The following AP1M1 variants were observed in gnomAD, a reference collection of about 807,000 sequenced individuals.
The protein encoded by AP1M1 is AP-1 complex subunit mu-1.
A neutral mutation model predicts 57.1 loss-of-function variants in AP1M1; 18 were observed. The ratio of observed to expected loss-of-function variants is 0.32; its 90% CI spans 0.22 to 0.47. The LOEUF (loss-of-function observed/expected upper bound fraction) is 0.47, where lower values mean the gene tolerates loss of function less well. Ranked by LOEUF, AP1M1 falls within the 20% of genes least tolerant of loss-of-function variation. The probability of loss-of-function intolerance (pLI) is 1.00; values close to 1 mark genes in which losing one functional copy is unlikely to be tolerated. For synonymous variants in AP1M1, 241 were observed against 237.9 expected, an observed-to-expected ratio of 1.01 and a Z score of -0.12; for missense variants, 362 against 593.5, an observed-to-expected ratio of 0.61 and a Z score of 4.05.
Position 16,207,321 on chromosome 19 carries a change from G to T in AP1M1, c.268-698G>T, listed in dbSNP as rs1007314445. 6.6e-6 allele frequency among the ~76,000 whole-genome samples: 1 copy of T among 151,992 alleles called. No homozygotes were observed. The highest frequency in any genetic ancestry group is 1.5e-5 in the Non-Finnish European group (1 of 67,984). On this transcript the variant is annotated intron_variant, in intron 3 of 11. Transcript: ENST00000291439. This position sits in a 1 kb window ranked among gnomAD's most constrained non-coding sequence, Gnocchi z 4.2. ...CGAGGGTCACCTGGGAAGGCCCCAC[G>T]TGCAGGCCAAGGGCTGCCTTCACTG...
Position 16,203,358 on chromosome 19 carries a change from C to A in AP1M1, c.43-101C>A. On this transcript the variant is annotated intron_variant, in intron 1 of 11. Transcript: ENST00000291439. The surrounding 1 kb of genome is among the most constrained non-coding windows in gnomAD (Gnocchi z 4.6). Reference sequence around the variant, plus strand: ...TGCGGATAGTGGCCATGACCGGAGTCCCCAGAGCGAAGCAGGGTGGTGCAT... The same window carrying A: ...TGCGGATAGTGGCCATGACCGGAGTACCCAGAGCGAAGCAGGGTGGTGCAT... The A allele has an allele frequency of 8.0e-7, 1 of 1,248,470 alleles. No individual in the cohort carries two copies. Among genetic ancestry groups the A allele is most frequent in the Non-Finnish European group, 1.2e-6 (1 of 866,110 alleles). The allele number at this position is 1,248,470 out of a possible 1,614,324, so 77.3% of individuals were successfully genotyped here.
At position 16,228,655 on chromosome 19, in the gene AP1M1, CAGGGGCGGGGCT is replaced by C. The variant is rs2091581610; in HGVS notation, c.889-110_889-99del. The C allele has an allele frequency of 8.4e-7, 1 of 1,190,990 alleles. No homozygotes were observed. The highest frequency in any genetic ancestry group is 1.2e-6 in the Non-Finnish European group (1 of 841,792). The allele number at this position is 1,190,990 out of a possible 1,614,324, so 73.8% of individuals were successfully genotyped here. A position where few individuals can be genotyped will look rare whatever the true frequency, so the allele number is the denominator to read the frequency against. On this transcript the variant is annotated intron_variant, in intron 8 of 11. Transcript: ENST00000291439. This position sits in a 1 kb window ranked among gnomAD's most constrained non-coding sequence, Gnocchi z 5.0. ...TGGGTAGTGCCTGGAGAAGTGGGGC[CAGGGGCGGGGCT>C]AGGGAGGATCCCCCGGGCCAGGCTG... is the stretch of plus-strand genomic sequence containing the variant.
chr19:16,227,769 C>A lies in AP1M1; in HGVS notation c.816+79C>A. The A allele has an allele frequency of 1.3e-6, 2 of 1,528,790 alleles. No homozygotes were observed. The highest frequency in any genetic ancestry group is 1.8e-6 in the Non-Finnish European group (2 of 1,121,472). The allele number at this position is 1,528,790 out of a possible 1,614,324, so 94.7% of individuals were successfully genotyped here. On this transcript the variant is annotated intron_variant, in intron 7 of 11. Coordinates refer to ENST00000291439, the MANE Select transcript of AP1M1 (RefSeq NM_032493.4). The surrounding 1 kb of genome is among the most constrained non-coding windows in gnomAD (Gnocchi z 6.2). ...CTCCAGGAGGTGAAGCCCAGGCAGGCGCCAGGGCCAGCCCCACCCCACGCT... is the reference window on the plus strand; with the variant it reads ...CTCCAGGAGGTGAAGCCCAGGCAGGAGCCAGGGCCAGCCCCACCCCACGCT...
rs753840973 is a variant in AP1M1 at position 16,206,368 on chromosome 19, G to A, written c.227G>A (p.Cys76Tyr). 4 of 1,614,144 alleles carry A rather than the reference G, an allele frequency of 2.5e-6. No homozygotes were observed. The Admixed American group carries it at 6.7e-5, about 27-fold the overall frequency. The change falls in exon 3 of 12, where the codon TGC becomes TAC. Residue 76 changes from cysteine to tyrosine, a missense_variant. By Grantham distance (194) the Cys-to-Tyr change is radical. This residue lies in a region of AP1M1 where 337 missense variants were observed against 511.1 expected (regional missense o/e 0.66). Coordinates refer to ENST00000291439, the MANE Select transcript of AP1M1 (RefSeq NM_032493.4). The surrounding 1 kb of genome is among the most constrained non-coding windows in gnomAD (Gnocchi z 4.3). ...YLVATSKKNA[C>Y]VSLVFSFLYK... ...GTTGCCACATCCAAGAAGAACGCGT[G>A]CGTGTCGCTGGTCTTTTCTTTCCTC...
rs373876356 is a variant in AP1M1 at position 16,210,908 on chromosome 19, T to G, written c.546+1731T>G. Among the ~76,000 whole-genome samples the G allele has an allele frequency of 1.1e-4, 16 of 152,296 alleles. No homozygotes were observed. The East Asian group carries it at 2.9e-3, about 28-fold the overall frequency. On this transcript the variant is annotated intron_variant, in intron 5 of 11. Coordinates refer to ENST00000291439, the MANE Select transcript of AP1M1 (RefSeq NM_032493.4). ...TAATGTTGAGCATTGCTTTACATGT[T>G]TCTTTGTCATCTGTATATCCTCTTT...
chr19:16,211,363 G>A (rs2091492712), intron 5 of AP1M1, among the ~76,000 whole-genome samples: 1 of 152,058 alleles, frequency 6.6e-6, no homozygotes, highest in Non-Finnish European at 1.5e-5. Flanking sequence ...CTAAGTGTTG[G>A]GATTACAGGC....
chr19:16,206,638 G>A lies in AP1M1; in HGVS notation c.267+230G>A. The A allele has an allele frequency of 1.7e-6, 1 of 574,588 alleles. No individual in the cohort carries two copies. The highest frequency in any genetic ancestry group is 3.1e-6 in the Non-Finnish European group (1 of 318,682). 35.6% of individuals were successfully genotyped at this position (574,588 alleles called of 1,614,324 possible). ...AAGAAAGGAAAGTGAACAGGAAAAG[G>A]TAGGGCTCAGAGCAGGGGTGCCCTG... On this transcript the variant is annotated intron_variant, in intron 3 of 11. Transcript: ENST00000291439. This position sits in a 1 kb window ranked among gnomAD's most constrained non-coding sequence, Gnocchi z 4.3.
chr19:16,232,520 G>T (rs764117986), intron 9 of AP1M1, among the ~76,000 whole-genome samples: 2 of 152,184 alleles, frequency 1.3e-5, no homozygotes, highest in Non-Finnish European at 2.9e-5. Flanking sequence ...TTGTTCCCTC[G>T]CTGCCTGCTT....
chr19:16,216,944 T>C (rs12980145), intron 5 of AP1M1, among the ~76,000 whole-genome samples: 100,178 of 152,066 alleles, frequency 0.66, 35,235 homozygotes, highest in Non-Finnish European at 0.8. Flanking sequence ...GGTGCACGCT[T>C]ATCGGCTGTG....
chr19:16,197,926 C>T lies in AP1M1; in HGVS notation c.-101C>T. ...TCCCCGAACCGGAAGTGGAGGTGAGCTGTCGCGGGCGGCGCCCGGCCTTGC... is the reference window on the plus strand; with the variant it reads ...TCCCCGAACCGGAAGTGGAGGTGAGTTGTCGCGGGCGGCGCCCGGCCTTGC... On this transcript the variant is annotated 5_prime_UTR_variant, in exon 1 of 12. Coordinates refer to ENST00000291439, the MANE Select transcript of AP1M1 (RefSeq NM_032493.4). 1 of 998,252 alleles carries T rather than the reference C, an allele frequency of 1.0e-6. No homozygotes were observed. The highest frequency in any genetic ancestry group is 1.4e-6 in the Non-Finnish European group (1 of 710,844). 61.8% of individuals were successfully genotyped at this position (998,252 alleles called of 1,614,324 possible). A position where few individuals can be genotyped will look rare whatever the true frequency, so the allele number is the denominator to read the frequency against.
intron 9 of AP1M1, among the ~76,000 whole-genome samples, chr19:16,232,502 G>A (rs1008653430): frequency 4.6e-5 from 7 of 152,202 alleles, no homozygotes; most frequent in African/African-American, 7.2e-5. Flanking sequence ...GCTAGTCACC[G>A]AGCGGGTTTG....
At chr19:16,216,632 C>T (rs2091520289) in intron 5 of AP1M1, among the ~76,000 whole-genome samples, 1 of 151,982 alleles carries the variant, frequency 6.6e-6, no homozygotes, top group Admixed American at 6.6e-5. Context: ...ATTTGATGAC[C>T]CTGGGGGTTT....
At chr19:16,232,152 GTCC>G (rs776664829) in intron 9 of AP1M1, among the ~76,000 whole-genome samples, 3 of 152,246 alleles carry the variant, frequency 2.0e-5, no homozygotes, top group East Asian at 1.9e-4. Flanking sequence ...ATTGTGGCCT[GTCC>G]TCCTGTGCAC....
rs2091576297 is a variant in AP1M1, at chr19:16,227,482, T to A, written c.674-66T>A. The A allele has an allele frequency of 6.4e-7, 1 of 1,569,210 alleles. No individual in the cohort carries two copies. The highest frequency in any genetic ancestry group is 8.7e-7 in the Non-Finnish European group (1 of 1,146,780). The stretch of plus-strand genomic sequence containing the variant: ...CTCTGCCGGGGTGGGTTGCAGGTGG[T>A]AGGAGTACTGCTGAGATAGTGACCC... On this transcript the variant is annotated intron_variant, in intron 6 of 11. Coordinates refer to ENST00000291439, the MANE Select transcript of AP1M1 (RefSeq NM_032493.4). The surrounding 1 kb of genome is among the most constrained non-coding windows in gnomAD (Gnocchi z 6.2).
chr19:16,221,636 A>C (rs1159602951), intron 5 of AP1M1, among the ~76,000 whole-genome samples: 3 of 152,248 alleles, frequency 2.0e-5, no homozygotes, highest in Non-Finnish European at 4.4e-5. Flanking sequence ...CACAGAATGT[A>C]CTCATTCCCT....
intron 5 of AP1M1, among the ~76,000 whole-genome samples, chr19:16,209,537 C>T (rs1001458943): frequency 2.0e-5 from 3 of 151,886 alleles, no homozygotes; most frequent in African/African-American, 7.3e-5. Context: ...GACTGAGAAT[C>T]CATACATGCA....
chr19:16,221,223 G>C (rs1353768005), intron 5 of AP1M1, among the ~76,000 whole-genome samples: 1 of 152,178 alleles, frequency 6.6e-6, no homozygotes, highest in Non-Finnish European at 1.5e-5. Flanking sequence ...TGCCTCCCAG[G>C]TTCAAGCTGT....
intron 5 of AP1M1, chr19:16,210,312 C>T (rs926751245): frequency 1.4e-6 from 1 of 702,260 alleles, no homozygotes; most frequent in South Asian, 1.5e-5. Context: ...TTGCTAGAAA[C>T]ATGTCGTGTC....
In AP1M1 at chr19:16,234,669, A is replaced by T. The variant is rs558181516; in HGVS notation, c.*234A>T. The T allele has an allele frequency of 8.8e-4, 527 of 598,576 alleles. 8 individuals carry two copies. Among genetic ancestry groups the T allele is most frequent in the Non-Finnish European group, 9.2e-4 (311 of 336,876 alleles). 37.1% of individuals were successfully genotyped at this position (598,576 alleles called of 1,614,324 possible). On this transcript the variant is annotated 3_prime_UTR_variant, in exon 12 of 12. Transcript: ENST00000291439. ...AGAAGTCTCGTTTCTTTGCCCCTGAAGTCAGTTTCAGGGGAAGGATGTGAA... is the reference window on the plus strand; with the variant it reads ...AGAAGTCTCGTTTCTTTGCCCCTGATGTCAGTTTCAGGGGAAGGATGTGAA...
Sources: gnomAD v4.1 joint callset for allele counts (sites outside exome capture counted in the v4.1 genomes callset) on GRCh38, gnomAD v4.1.1 for gene constraint, gnomAD v4.1.1 regional missense constraint, Gnocchi (gnomAD v3.1) non-coding constraint, MANE v1.5 for transcripts, NCBI Gene and HGNC (gene_info 2026-07-23, HGNC 2026-07-21) for gene names.